The following PAWR variants were observed in gnomAD, a reference collection of about 807,000 sequenced individuals.
PAWR encodes PRKC apoptosis WT1 regulator protein.
Under a neutral mutation model 32.0 loss-of-function variants are expected in PAWR, and 23 were observed. That is an observed-to-expected ratio of 0.72 (90% CI 0.52 to 1.02). The LOEUF (loss-of-function observed/expected upper bound fraction) is 1.02, where lower values mean the gene tolerates loss of function less well. Ranked by LOEUF, PAWR falls within the 50% of genes least tolerant of loss-of-function variation. The probability of loss-of-function intolerance (pLI) is 0.00; values close to 1 mark genes in which losing one functional copy is unlikely to be tolerated. For missense variants in PAWR, 457 were observed against 437.7 expected (o/e 1.04, Z -0.39); for synonymous variants, 226 against 187.1 (o/e 1.21, Z -1.70).
At chr12:79,593,774 C>T (rs370365032) in intron 6 of PAWR, among the ~76,000 whole-genome samples, 41 of 145,334 alleles carry the variant, frequency 2.8e-4, no homozygotes, top group African/African-American at 9.7e-4. Context: ...GCAATCTTGG[C>T]TCACTGCAAC....
At chr12:79,651,038 G>C (rs1156731788) in intron 2 of PAWR, among the ~76,000 whole-genome samples, 2 of 152,124 alleles carry the variant, frequency 1.3e-5, no homozygotes, top group Non-Finnish European at 2.9e-5. Context: ...GTGTGAATAA[G>C]GCCAGTACAA....
intron 2 of PAWR, among the ~76,000 whole-genome samples, chr12:79,673,698 A>G (rs1300397830): frequency 6.6e-6 from 1 of 152,232 alleles, no homozygotes; most frequent in Non-Finnish European, 1.5e-5. Context: ...AGAACTTAAA[A>G]TAAGAGCTAA....
At chr12:79,632,291 AT>A (rs1875675046) in intron 2 of PAWR, 2 of 61,276 alleles carry the variant, frequency 3.3e-5, no homozygotes, top group East Asian at 9.5e-4. Flanking sequence ...AAATAGAAAT[AT>A]ATACATATAT....
chr12:79,690,713 G>T (rs1259978315), intron 1 of PAWR, 159 bp downstream of exon 1: 1 of 152,812 alleles, frequency 6.5e-6, no homozygotes, highest in Non-Finnish European at 1.5e-5. Context: ...TCGTCGTATC[G>T]CCTGCTCCGC....
intron 2 of PAWR, among the ~76,000 whole-genome samples, chr12:79,650,915 CA>C (rs1876813739): frequency 1.3e-5 from 2 of 152,208 alleles, no homozygotes; most frequent in South Asian, 4.1e-4. Flanking sequence ...TTTGATATTT[CA>C]AATGTTCAAT....
chr12:79,609,918 CA>C (rs1874359899), intron 4 of PAWR, among the ~76,000 whole-genome samples: 1 of 152,180 alleles, frequency 6.6e-6, no homozygotes, highest in African/African-American at 2.4e-5. Flanking sequence ...TCTGGGACTT[CA>C]GGGGTAGTGG....
At chr12:79,603,665 C>CAATTTTTTTTTTTTTTT (rs1565998443) in intron 4 of PAWR, 1 of 141,450 alleles carries the variant, frequency 7.1e-6, no homozygotes, top group African/African-American at 2.6e-5. Flanking sequence ...CATCATTATG[C>CAATTTTTTTTTTTTTTT]TATTTTTTTT....
At chr12:79,626,025 G>A (rs1390860367) in intron 2 of PAWR, among the ~76,000 whole-genome samples, 4 of 147,882 alleles carry the variant, frequency 2.7e-5, no homozygotes, top group African/African-American at 5.0e-5. Flanking sequence ...CTAGCCAGGC[G>A]TGGTGGCACG....
chr12:79,599,925 G>A lies in PAWR; in HGVS notation c.684-3267C>T, dbSNP rs190843732. Among the ~76,000 whole-genome samples, 4 of 152,070 alleles carry A rather than the reference G, an allele frequency of 2.6e-5. No homozygotes were observed. In the East Asian group the frequency reaches 5.8e-4, roughly 22 times the overall value. On this transcript the variant is annotated intron_variant, in intron 4 of 6. Transcript: ENST00000328827. ...ATGTGAAATCCTGAACATCTGCTCC[G>A]GTCATCTTTGTAATATTCTTTCAAA...
At chr12:79,609,898 T>C (rs549949231) in intron 4 of PAWR, among the ~76,000 whole-genome samples, 12 of 152,310 alleles carry the variant, frequency 7.9e-5, no homozygotes, top group Non-Finnish European at 1.6e-4. Context: ...GCACTAACTA[T>C]AACACTTCTT....
chr12:79,690,114 C>A lies in PAWR; in HGVS notation c.131G>T (p.Gly44Val). 6.7e-7 allele frequency: 1 copy of A among 1,499,210 alleles called. No individual in the cohort carries two copies. The highest frequency in any genetic ancestry group is 8.9e-7 in the Non-Finnish European group (1 of 1,128,622). 92.9% of individuals were successfully genotyped at this position (1,499,210 alleles called of 1,614,324 possible). The change falls in exon 2 of 7, where the codon GGG (glycine) becomes GTG (valine). Residue 44 changes from glycine (G) to valine (V), a missense_variant. Gly to Val is a moderately radical substitution (Grantham distance 109). Coordinates refer to ENST00000328827, the MANE Select transcript of PAWR (RefSeq NM_002583.4). Reference sequence around the variant, plus strand: ...CTTCCCAGCGGCGTCGCTGCTGCCCCCTCCCGGGGGGGCCGGGCCCGGGGG... The same window carrying A: ...CTTCCCAGCGGCGTCGCTGCTGCCCACTCCCGGGGGGGCCGGGCCCGGGGG... ...QNPPGPAPPG[G>V]GSSDAAGKPP...
intron 4 of PAWR, among the ~76,000 whole-genome samples, chr12:79,609,895 C>CTA (rs1217740710): frequency 1.3e-5 from 2 of 152,206 alleles, no homozygotes; most frequent in Admixed American, 6.5e-5. Context: ...AGAGCACTAA[C>CTA]TATAACACTT....
chr12:79,626,163 T>TAAAAAAAAAAAA (rs565157190), intron 2 of PAWR, among the ~76,000 whole-genome samples: 5 of 82,128 alleles, frequency 6.1e-5, no homozygotes, highest in African/African-American at 1.8e-4. Flanking sequence ...GACTCCATCT[T>TAAAAAAAAAAAA]AAAAAAAAAA....
intron 2 of PAWR, among the ~76,000 whole-genome samples, chr12:79,656,163 G>A (rs966018634): frequency 2.0e-5 from 3 of 152,202 alleles, no homozygotes; most frequent in African/African-American, 4.8e-5. Context: ...ACGAAAACAC[G>A]AAGAATGCTG....
At chr12:79,607,333 C>A (rs982851957) in intron 4 of PAWR, among the ~76,000 whole-genome samples, 13 of 152,088 alleles carry the variant, frequency 8.5e-5, no homozygotes, top group African/African-American at 3.1e-4. Context: ...GAACAGATTT[C>A]TTTAGAAAGG....
At chr12:79,662,096 C>A (rs1408366243) in intron 2 of PAWR, among the ~76,000 whole-genome samples, 1 of 149,728 alleles carries the variant, frequency 6.7e-6, no homozygotes, top group Non-Finnish European at 1.5e-5. Flanking sequence ...TAGCTAAGCA[C>A]AGTGGCATGT....
chr12:79,633,482 G>T (rs1259252408), intron 2 of PAWR, among the ~76,000 whole-genome samples: 1 of 152,168 alleles, frequency 6.6e-6, no homozygotes, highest in Non-Finnish European at 1.5e-5. Flanking sequence ...CCAATTGTTG[G>T]TGAGGATTTA....
chr12:79,593,663 A>T (rs994659567), intron 6 of PAWR, among the ~76,000 whole-genome samples: 1 of 150,760 alleles, frequency 6.6e-6, no homozygotes, highest in Admixed American at 6.6e-5. Flanking sequence ...CCTTCTCAAA[A>T]AATAATAATA....
intron 3 of PAWR, among the ~76,000 whole-genome samples, chr12:79,619,032 G>A (rs2136711476): frequency 6.6e-6 from 1 of 150,644 alleles, no homozygotes; most frequent in South Asian, 2.1e-4. Context: ...TTTAATATTT[G>A]TTATTTAATA....
Sources: allele counts gnomAD v4.1 joint callset (sites outside exome capture counted in the v4.1 genomes callset), GRCh38; gene constraint gnomAD v4.1.1; transcripts MANE v1.5; gene names NCBI Gene and HGNC (gene_info 2026-07-23, HGNC 2026-07-21).